The following RUBCN variants were observed in gnomAD, a reference collection of about 807,000 sequenced individuals.
RUBCN encodes the protein rubicon autophagy regulator.
In RUBCN, 74 loss-of-function variants were observed where a neutral mutation model predicts 113.2. The ratio of observed to expected loss-of-function variants is 0.65; its 90% CI spans 0.54 to 0.79. The LOEUF (loss-of-function observed/expected upper bound fraction) is 0.79, where lower values mean the gene tolerates loss of function less well. Ranked by LOEUF, RUBCN falls within the 30% of genes least tolerant of loss-of-function variation. RUBCN has a pLI of 0.00. For missense variants in RUBCN, 1,109 were observed against 1,251.7 expected (o/e 0.89, Z 1.72); for synonymous variants, 480 against 490.0 (o/e 0.98, Z 0.27).
rs775432656 is a variant in RUBCN at position 197,674,590 on chromosome 3, G to A, written c.*428C>T. On this transcript the variant is annotated 3_prime_UTR_variant, in exon 20 of 20. Coordinates refer to ENST00000296343, the MANE Select transcript of RUBCN (RefSeq NM_014687.4). The stretch of plus-strand genomic sequence containing the variant: ...GGAAAACGCCATCCCCGTTTCAGCA[G>A]CAGGAGAGGTGGTTGAGAAAGGCCT... The A allele has an allele frequency of 1.2e-5, 6 of 484,484 alleles. No homozygotes were observed. Among genetic ancestry groups the A allele is most frequent in the African/African-American group, 1.0e-4 (5 of 48,550 alleles). 30.0% of individuals were successfully genotyped at this position (484,484 alleles called of 1,614,324 possible).
At chr3:197,687,164 ATACCCAACG>A (rs779707399) in intron 11 of RUBCN, among the ~76,000 whole-genome samples, 13 of 152,238 alleles carry the variant, frequency 8.5e-5, no homozygotes, top group Non-Finnish European at 1.5e-4. Flanking sequence ...AGATAAGGTG[ATACCCAACG>A]TATCTGGGAA....
chr3:197,718,068 T>C lies in RUBCN; in HGVS notation c.128A>G (p.Asn43Ser), dbSNP rs903750741. The C allele has an allele frequency of 6.2e-6, 10 of 1,614,216 alleles. No individual in the cohort carries two copies. Among genetic ancestry groups the C allele is most frequent in the East Asian group, 2.2e-5 (1 of 44,888 alleles). Reference sequence around the variant, plus strand: ...ATACTTAGACCAGACGTTGGGGCTGTTGGTTGATACCAAACCCTCCACCGT... The same window carrying C: ...ATACTTAGACCAGACGTTGGGGCTGCTGGTTGATACCAAACCCTCCACCGT... ...KTTVEGLVST[N>S]SPNVWSKYGG... Residue 43 changes from asparagine (N) to serine (S), a missense_variant, in exon 2 of 20, where the codon AAC becomes AGC. By Grantham distance (46) the Asn-to-Ser change is conservative. This residue lies in a region of RUBCN where 736 missense variants were observed against 779.6 expected (regional missense o/e 0.94). Transcript: ENST00000296343.
At chr3:197,736,944 A>T (rs189627174), upstream of RUBCN, 3 of 1,327,806 alleles carry the variant, frequency 2.3e-6, no homozygotes, top group Admixed American at 4.1e-5. Context: ...CCCGGCGAGC[A>T]CTCCGAGGCT....
chr3:197,682,142 T>C (rs935463305), intron 14 of RUBCN, among the ~76,000 whole-genome samples: 13 of 152,088 alleles, frequency 8.5e-5, no homozygotes, highest in African/African-American at 3.1e-4. Flanking sequence ...AGGAATGAGA[T>C]GTGGTAAAGG....
chr3:197,679,455 G>A (rs1455492756), intron 16 of RUBCN, among the ~76,000 whole-genome samples: 2 of 146,070 alleles, frequency 1.4e-5, no homozygotes, highest in African/African-American at 5.3e-5. Context: ...CCTACGCTCT[G>A]ACAACTGGCT....
At chr3:197,688,966 G>A (rs1314842303) in intron 11 of RUBCN, among the ~76,000 whole-genome samples, 1 of 152,098 alleles carries the variant, frequency 6.6e-6, no homozygotes, top group African/African-American at 2.4e-5. Flanking sequence ...TATGGTGATG[G>A]CTGCACAACT....
At chr3:197,749,573 A>G (rs764791998) in exon 1 of RUBCN, 67 of 1,286,428 alleles carry the variant, frequency 5.2e-5, no homozygotes, top group Non-Finnish European at 6.3e-5. Flanking sequence ...TGTGTACCGA[A>G]GTATAGGGGA....
At chr3:197,685,243 A>G (rs948352254) in intron 11 of RUBCN, among the ~76,000 whole-genome samples, 1 of 152,258 alleles carries the variant, frequency 6.6e-6, no homozygotes, top group Admixed American at 6.5e-5. Flanking sequence ...CCAGGCAGAC[A>G]CAGCCTATCC....
chr3:197,685,621 G>C (rs752814440), intron 11 of RUBCN, among the ~76,000 whole-genome samples: 2 of 152,196 alleles, frequency 1.3e-5, no homozygotes, highest in Non-Finnish European at 2.9e-5. Flanking sequence ...TATGAGTAAG[G>C]TAACAGAAGT....
At chr3:197,685,945 G>A (rs958815396) in intron 11 of RUBCN, among the ~76,000 whole-genome samples, 1 of 152,110 alleles carries the variant, frequency 6.6e-6, no homozygotes, top group Non-Finnish European at 1.5e-5. Context: ...CTTGAGCTAG[G>A]AGCCCTCAGA....
chr3:197,736,762 TGCC>T lies in RUBCN; in HGVS notation c.-46_-44del. On this transcript the variant is annotated 5_prime_UTR_variant, in exon 1 of 20. Transcript: ENST00000296343. ...CCTCTTCGCCCAAGAGAGGCGTCCC[TGCC>T]GCTTCGCCCTTCAGGGCTCCCGGGG... 3 of 1,524,120 alleles carry T rather than the reference TGCC, an allele frequency of 2.0e-6. No homozygotes were observed. Among genetic ancestry groups the T allele is most frequent in the Non-Finnish European group, 2.6e-6 (3 of 1,142,564 alleles). 94.4% of individuals were successfully genotyped at this position (1,524,120 alleles called of 1,614,324 possible).
rs1560424979 is a variant in RUBCN at position 197,694,478 on chromosome 3, G to GT, written c.1580dup (p.Asp527GlufsTer3). On this transcript the variant is annotated frameshift_variant, in exon 10 of 20. Coordinates refer to ENST00000296343, the MANE Select transcript of RUBCN (RefSeq NM_014687.4). LOFTEE classifies it high-confidence loss of function. Reference sequence around the variant, plus strand: ...TCAGCTCCTGGATCTCTCTATCACTGTCTTCCTCTTCCACTTCCTCCTCCT... The same window carrying GT: ...TCAGCTCCTGGATCTCTCTATCACTGTTCTTCCTCTTCCACTTCCTCCTCCT... The GT allele has an allele frequency of 6.2e-7, 1 of 1,614,158 alleles. No homozygotes were observed. The highest frequency in any genetic ancestry group is 1.7e-5 in the Admixed American group (1 of 60,018).
At chr3:197,696,592 C>T (rs916379417) in intron 8 of RUBCN, among the ~76,000 whole-genome samples, 7 of 149,094 alleles carry the variant, frequency 4.7e-5, no homozygotes, top group Non-Finnish European at 8.9e-5. Context: ...ATGGCTTCCT[C>T]CTCTGCATGA....
At chr3:197,743,094 G>A (rs1040512731) in intron 1 of RUBCN, among the ~76,000 whole-genome samples, 2 of 152,202 alleles carry the variant, frequency 1.3e-5, no homozygotes, top group South Asian at 4.1e-4. Flanking sequence ...TGATGCTCAG[G>A]GACTTAGTGG....
chr3:197,676,960 C>T lies in RUBCN; in HGVS notation c.2571G>A (p.Ala857=), dbSNP rs747060998. 10 of 1,614,094 alleles carry T rather than the reference C, an allele frequency of 6.2e-6. No homozygotes were observed. The highest frequency in any genetic ancestry group is 3.3e-5 in the Admixed American group (2 of 60,012). ...GGGGCCCCAGCTCCCCCTTCCTGGT[C>T]GCAGTCAGGTCATTCAGTGAGTACA... is the stretch of plus-strand genomic sequence containing the variant. ...LHLYSLNDLT[A]TRKGELGPRL... The change falls in exon 18 of 20, where the codon GCG becomes GCA. Residue 857 remains alanine, a synonymous_variant. Coordinates refer to ENST00000296343, the MANE Select transcript of RUBCN (RefSeq NM_014687.4).
At position 197,675,544 on chromosome 3, in the gene RUBCN, TGAG is replaced by T; in HGVS notation, c.2647-32_2647-30del. The T allele has an allele frequency of 1.9e-6, 3 of 1,555,962 alleles. No homozygotes were observed. The highest frequency in any genetic ancestry group is 2.7e-6 in the Non-Finnish European group (3 of 1,128,140). ...GGGAGGAAAAACACAGATGGCAAAA[TGAG>T]GAGCGGCACATCAGGAACTGGCACG... On this transcript the variant is annotated intron_variant, in intron 18 of 19. Coordinates refer to ENST00000296343, the MANE Select transcript of RUBCN (RefSeq NM_014687.4). The surrounding 1 kb of genome is among the most constrained non-coding windows in gnomAD (Gnocchi z 4.4).
At position 197,681,368 on chromosome 3, in the gene RUBCN, C is replaced by G. The variant is rs1448283495; in HGVS notation, c.2192-1G>C. 1.2e-6 allele frequency: 2 copies of G among 1,610,046 alleles called. No homozygotes were observed. The highest frequency in any genetic ancestry group is 1.7e-6 in the Non-Finnish European group (2 of 1,176,388). ...CAGTACCGCAGTCGCTTGATGTAAT[C>G]TGGAAAAACCGGAAAGCCAGAAAGC... On this transcript the variant is annotated splice_acceptor_variant, in intron 15 of 19. Coordinates refer to ENST00000296343, the MANE Select transcript of RUBCN (RefSeq NM_014687.4). LOFTEE classifies it high-confidence loss of function. This position sits in a 1 kb window ranked among gnomAD's most constrained non-coding sequence, Gnocchi z 5.5.
At chr3:197,695,776 C>T (rs563402026) in intron 9 of RUBCN, 90 bp downstream of exon 9, 2 of 1,189,526 alleles carry the variant, frequency 1.7e-6, no homozygotes, top group South Asian at 1.2e-5. Context: ...GTAATCTATA[C>T]CCAAAACCTC....
At chr3:197,684,090 A>G in intron 12 of RUBCN, 67 bp downstream of exon 12, 1 of 1,282,492 alleles carries the variant, frequency 7.8e-7, no homozygotes, top group Non-Finnish European at 1.1e-6. Flanking sequence ...TACACCAAGA[A>G]CTGGGTTTGT....
Sources: allele counts gnomAD v4.1 joint callset (sites outside exome capture counted in the v4.1 genomes callset), GRCh38; gene constraint gnomAD v4.1.1; regional missense constraint gnomAD v4.1.1; non-coding constraint Gnocchi (gnomAD v3.1); transcripts MANE v1.5; gene names NCBI Gene and HGNC (gene_info 2026-07-23, HGNC 2026-07-21).